The following NIBAN3 variants were observed in gnomAD, a reference collection of about 807,000 sequenced individuals.
The protein encoded by NIBAN3 is niban apoptosis regulator 3, also known as protein Niban 3.
A neutral mutation model predicts 76.4 loss-of-function variants in NIBAN3; 66 were observed. That is an observed-to-expected ratio of 0.86 (90% confidence interval 0.71 to 1.06). NIBAN3 has a LOEUF of 1.06. Ranked by LOEUF, NIBAN3 falls within the 50% of genes least tolerant of loss-of-function variation. NIBAN3 has a pLI of 0.00. For synonymous variants in NIBAN3, 360 were observed against 355.2 expected, an observed-to-expected ratio of 1.01 and a Z score of -0.15; for missense variants, 808 against 810.7, an observed-to-expected ratio of 1.00 and a Z score of 0.04.
intron 2 of NIBAN3, among the ~76,000 whole-genome samples, chr19:17,531,326 AACACACACACACACACACACAC>A (rs35489460): frequency 2.3e-5 from 3 of 128,998 alleles, no homozygotes; most frequent in Non-Finnish European, 5.0e-5. Flanking sequence ...GACTCTGTCA[AACACACACACACACACACACAC>A]ACACACACAC....
intron 5 of NIBAN3, among the ~76,000 whole-genome samples, chr19:17,538,736 AAGAAAGAAAG>A (rs1354621638): frequency 2.1e-5 from 1 of 46,964 alleles, no homozygotes; most frequent in Non-Finnish European, 4.6e-5. Flanking sequence ...GAAAGCAAGA[AAGAAAGAAAG>A]AGAAAGAAAG....
At chr19:17,539,881 G>T (rs963685749) in intron 8 of NIBAN3, 116 bp downstream of exon 8, 10 of 767,356 alleles carry the variant, frequency 1.3e-5, no homozygotes, top group African/African-American at 1.1e-4. Context: ...CGTGGTCAGA[G>T]AGGGGCGGGG....
upstream of NIBAN3, chr19:17,523,390 C>G: frequency 6.5e-7 from 1 of 1,528,502 alleles, no homozygotes; most frequent in Non-Finnish European, 8.8e-7. Flanking sequence ...AAGTTTGCTT[C>G]AACGTCTTGT....
At chr19:17,527,416 C>A in intron 1 of NIBAN3, 21 bp downstream of exon 1, 1 of 1,500,428 alleles carries the variant, frequency 6.7e-7, no homozygotes, top group Non-Finnish European at 8.9e-7. Context: ...GGGGAGGGGA[C>A]AGGGTGGGAG....
chr19:17,555,489 T>G (rs2076203835), downstream of NIBAN3: 1 of 282,946 alleles, frequency 3.5e-6, no homozygotes, highest in Non-Finnish European at 6.0e-6. Flanking sequence ...CCGAGCGCTA[T>G]GTGCCTTTAA....
chr19:17,533,589 A>C lies in NIBAN3; in HGVS notation c.315A>C (p.Glu105Asp). ...GGTTCTCTGGGTACCTTTTGTAGGA[A>C]TATGAAAACGGGGGCCACTGCCTTG... Reference protein sequence around the residue: ...GRLEWFSHKEEYENGGHCLGS... With the variant: ...GRLEWFSHKEDYENGGHCLGS... The change falls in exon 4 of 15, where the codon GAA (glutamate) becomes GAC (aspartate). Residue 105 changes from glutamate to aspartate, a missense_variant and splice_region_variant. Coordinates refer to ENST00000599164, the MANE Select transcript of NIBAN3 (RefSeq NM_001321827.2). 6.2e-7 allele frequency: 1 copy of C among 1,612,530 alleles called. No homozygotes were observed.
chr19:17,548,168 A>G (rs2076093915), intron 13 of NIBAN3, among the ~76,000 whole-genome samples: 1 of 152,136 alleles, frequency 6.6e-6, no homozygotes, highest in African/African-American at 2.4e-5. Flanking sequence ...GCCCATGATC[A>G]CTGAGATGTG....
At position 17,528,663 on chromosome 19, in the gene NIBAN3, G is replaced by T. The variant is rs115764745; in HGVS notation, c.55+1268G>T. 5.5e-3 allele frequency among the ~76,000 whole-genome samples: 835 copies of T among 152,234 alleles called. 11 individuals carry two copies. Among genetic ancestry groups the T allele is most frequent in the African/African-American group, 0.019 (784 of 41,548 alleles). ...TGTGGGGTGAGCAACTGTGCTGGGC[G>T]CTGGGGACATTGTGGGGTTGGTATT... On this transcript the variant is annotated intron_variant, in intron 1 of 14. Coordinates refer to ENST00000599164, the MANE Select transcript of NIBAN3 (RefSeq NM_001321827.2).
At chr19:17,533,231 G>A (rs901021907) in intron 3 of NIBAN3, among the ~76,000 whole-genome samples, 9 of 152,048 alleles carry the variant, frequency 5.9e-5, no homozygotes, top group Admixed American at 2.6e-4. Context: ...GCAACATGGC[G>A]AAACCCCGTC....
At chr19:17,543,281 C>T (rs1400706253) in intron 10 of NIBAN3, 36 bp from the exon 11 acceptor site, 3 of 1,416,194 alleles carry the variant, frequency 2.1e-6, no homozygotes, top group Non-Finnish European at 2.9e-6. Flanking sequence ...GGCTGGAGCA[C>T]AGATTCTGGG....
chr19:17,528,083 T>TGTTTG (rs1267211940), intron 1 of NIBAN3, among the ~76,000 whole-genome samples: 1 of 151,406 alleles, frequency 6.6e-6, no homozygotes, highest in Non-Finnish European at 1.5e-5. Context: ...GTTTTTTTTT[T>TGTTTG]GTTTGTTTTG....
Position 17,539,637 on chromosome 19 carries a change from G to A in NIBAN3, c.851G>A (p.Gly284Glu). Reference sequence around the variant, plus strand: ...GCCGTTCACGCAGCTGTCCTGGCCGGGGCCTCCGCCGGGCTCTGCGCCTTC... The same window carrying A: ...GCCGTTCACGCAGCTGTCCTGGCCGAGGCCTCCGCCGGGCTCTGCGCCTTC... ...LDAVHAAVLA[G>E]ASAGLCAFQP... Residue 284 changes from glycine to glutamate, a missense_variant, in exon 8 of 15, where the codon GGG (glycine) becomes GAG (glutamate). By Grantham distance (98) the Gly-to-Glu change is moderately conservative. Coordinates refer to ENST00000599164, the MANE Select transcript of NIBAN3 (RefSeq NM_001321827.2). The A allele has an allele frequency of 6.4e-7, 1 of 1,574,166 alleles. No individual in the cohort carries two copies. The highest frequency in any genetic ancestry group is 2.4e-5 in the East Asian group (1 of 42,268).
At chr19:17,547,649 G>A (rs980367430) in intron 13 of NIBAN3, among the ~76,000 whole-genome samples, 2 of 137,526 alleles carry the variant, frequency 1.5e-5, no homozygotes, top group African/African-American at 2.7e-5. Flanking sequence ...CACCGCACCC[G>A]GCCAAGACTC....
At chr19:17,527,875 G>A (rs1202356590) in intron 1 of NIBAN3, among the ~76,000 whole-genome samples, 4 of 151,712 alleles carry the variant, frequency 2.6e-5, no homozygotes, top group Non-Finnish European at 5.9e-5. Context: ...ATTTGTTTTC[G>A]TAGCGACAGG....
chr19:17,542,571 G>T lies in NIBAN3; in HGVS notation c.1329+277G>T, dbSNP rs1422134195. Among the ~76,000 whole-genome samples the T allele has an allele frequency of 1.3e-5, 2 of 152,226 alleles. No individual in the cohort carries two copies. Among genetic ancestry groups the T allele is most frequent in the African/African-American group, 4.8e-5 (2 of 41,460 alleles). ...TTCCAACATGGGAGAGCAATGGGAG[G>T]AATGGCGTTGCCACCAGTCCCGAGT... On this transcript the variant is annotated intron_variant, in intron 10 of 14. Transcript: ENST00000599164. This position sits in a 1 kb window ranked among gnomAD's most constrained non-coding sequence, Gnocchi z 4.8.
intron 1 of NIBAN3, among the ~76,000 whole-genome samples, chr19:17,528,033 A>G (rs1246470475): frequency 2.0e-5 from 3 of 150,714 alleles, no homozygotes; most frequent in Admixed American, 2.0e-4. Flanking sequence ...CAGATTTTGC[A>G]TAGTGCACAC....
intron 12 of NIBAN3, among the ~76,000 whole-genome samples, chr19:17,544,922 G>A (rs1030905013): frequency 6.6e-6 from 1 of 152,106 alleles, no homozygotes; most frequent in East Asian, 1.9e-4. Context: ...CCATTTTAAA[G>A]ATAAGGAAAC....
At chr19:17,528,477 G>A (rs2075650642) in intron 1 of NIBAN3, among the ~76,000 whole-genome samples, 1 of 152,108 alleles carries the variant, frequency 6.6e-6, no homozygotes, top group African/African-American at 2.4e-5. Flanking sequence ...CCAAGTGGAG[G>A]GTGTCCCAGA....
Position 17,542,376 on chromosome 19 carries a change from A to C in NIBAN3, c.1329+82A>C, listed in dbSNP as rs1330651123. On this transcript the variant is annotated intron_variant, in intron 10 of 14. Coordinates refer to ENST00000599164, the MANE Select transcript of NIBAN3 (RefSeq NM_001321827.2). The surrounding 1 kb of genome is among the most constrained non-coding windows in gnomAD (Gnocchi z 4.8). ...CTCCTGCTAAGTGTGCCCTGGAGAGACCACGATGATCGAGACAACTCCGCG... is the reference window on the plus strand; with the variant it reads ...CTCCTGCTAAGTGTGCCCTGGAGAGCCCACGATGATCGAGACAACTCCGCG... 7.0e-7 allele frequency: 1 copy of C among 1,433,716 alleles called. No individual in the cohort carries two copies. Among genetic ancestry groups the C allele is most frequent in the Non-Finnish European group, 9.4e-7 (1 of 1,065,650 alleles). The allele number at this position is 1,433,716 out of a possible 1,614,324, so 88.8% of individuals were successfully genotyped here.
Sources: allele counts gnomAD v4.1 joint callset (sites outside exome capture counted in the v4.1 genomes callset), GRCh38; gene constraint gnomAD v4.1.1; non-coding constraint Gnocchi (gnomAD v3.1); transcripts MANE v1.5; gene names NCBI Gene and HGNC (gene_info 2026-07-23, HGNC 2026-07-21).